Variants in TTC13 observed in about 807,000 individuals in gnomAD.
TTC13 encodes tetratricopeptide repeat protein 13.
In TTC13, 62 loss-of-function variants were observed where a neutral mutation model predicts 120.0. The observed-to-expected ratio is 0.52, with a 90% CI of 0.42 to 0.64. The LOEUF is 0.64. Ranked by LOEUF, TTC13 falls within the 30% of genes least tolerant of loss-of-function variation. TTC13 has a pLI of 0.00. For missense variants in TTC13, 824 were observed against 1,050.2 expected (o/e 0.78, Z 2.98); for synonymous variants, 384 against 393.5 (o/e 0.98, Z 0.28).
At chr1:230,964,312 G>A (rs1676925045) in intron 1 of TTC13, among the ~76,000 whole-genome samples, 1 of 152,102 alleles carries the variant, frequency 6.6e-6, no homozygotes, top group South Asian at 2.1e-4. Flanking sequence ...CCAAGTCAAA[G>A]GGTGTGCACA....
Position 230,913,501 on chromosome 1 carries a change from T to C in TTC13, c.2094-743A>G, listed in dbSNP as rs56013121. On this transcript the variant is annotated intron_variant, in intron 18 of 22. Coordinates refer to ENST00000366661, the MANE Select transcript of TTC13 (RefSeq NM_024525.5). ...CAGCCTCTTGAGTAGCTGGGACTAC[T>C]GGTATGCACCTGTAGTTATTTTTAA... Among the ~76,000 whole-genome samples, 994 of 152,200 alleles carry C rather than the reference T, an allele frequency of 6.5e-3. 7 individuals are homozygous for C. The highest frequency in any genetic ancestry group is 0.011 in the Non-Finnish European group (744 of 68,018).
Position 230,911,469 on chromosome 1 carries a change from C to T in TTC13, c.2309+1G>A. 6.3e-7 allele frequency: 1 copy of T among 1,577,232 alleles called. No individual in the cohort carries two copies. On this transcript the variant is annotated splice_donor_variant, in intron 20 of 22. Coordinates refer to ENST00000366661, the MANE Select transcript of TTC13 (RefSeq NM_024525.5). LOFTEE classifies it high-confidence loss of function. ...AATTTTAATGACAGGATATTACTTA[C>T]CTGGATCCTCGAGAGAGTGGCATTA...
intron 1 of TTC13, among the ~76,000 whole-genome samples, chr1:230,969,613 A>C (rs1347825274): frequency 6.6e-6 from 1 of 152,232 alleles, no homozygotes; most frequent in Non-Finnish European, 1.5e-5. Context: ...CTCTGACTTC[A>C]AACTTAATTA....
intron 17 of TTC13, among the ~76,000 whole-genome samples, chr1:230,916,899 T>C (rs971399250): frequency 1.3e-5 from 2 of 152,244 alleles, no homozygotes; most frequent in Non-Finnish European, 2.9e-5. Flanking sequence ...AGACGTTAGC[T>C]TTCTGTTTAA....
intron 14 of TTC13, among the ~76,000 whole-genome samples, chr1:230,924,224 C>A (rs1235863548): frequency 1.3e-5 from 2 of 152,238 alleles, no homozygotes; most frequent in African/African-American, 2.4e-5. Context: ...GGGACTGGTC[C>A]AGCGAAGTTC....
intron 1 of TTC13, among the ~76,000 whole-genome samples, chr1:230,976,685 T>A (rs536072407): frequency 7.6e-4 from 116 of 152,168 alleles, no homozygotes; most frequent in Non-Finnish European, 1.4e-3. Context: ...AAGTACTACA[T>A]GGGAGAGAGA....
chr1:230,929,270 T>G (rs1489422273), intron 11 of TTC13, among the ~76,000 whole-genome samples, 177 bp from the exon 12 acceptor site: 7 of 151,886 alleles, frequency 4.6e-5, no homozygotes, highest in African/African-American at 7.2e-5. Context: ...GCCACTGACT[T>G]GAGATAACAA....
chr1:230,949,224 A>G (rs36079838), intron 4 of TTC13, among the ~76,000 whole-genome samples: 26,376 of 150,396 alleles, frequency 0.18, 2,523 homozygotes, highest in East Asian at 0.41. Context: ...TTCTTCCCAA[A>G]GGGAAGCAAG....
intron 18 of TTC13, among the ~76,000 whole-genome samples, chr1:230,915,781 C>G (rs962425735): frequency 2.0e-5 from 2 of 99,246 alleles, no homozygotes; most frequent in African/African-American, 9.7e-5. Flanking sequence ...GCTGTTTTCT[C>G]TCTCTCTCTC....
chr1:230,955,619 C>A lies in TTC13; in HGVS notation c.443-1216G>T, dbSNP rs189649100. 1.3e-3 allele frequency among the ~76,000 whole-genome samples: 186 copies of A among 142,994 alleles called. 1 individual carries two copies. The highest frequency in any genetic ancestry group is 4.6e-3 in the African/African-American group (173 of 37,318). The allele number at this position is 142,994 out of a possible 152,430, so 93.8% of individuals were successfully genotyped here. A position where few individuals can be genotyped will look rare whatever the true frequency, so the allele number is the denominator to read the frequency against. On this transcript the variant is annotated intron_variant, in intron 3 of 22. Coordinates refer to ENST00000366661, the MANE Select transcript of TTC13 (RefSeq NM_024525.5). ...CCAGGAGGCGGAGCTTGCAGTGAGC[C>A]GAGATGGCGCCACTGCACTCCAGCC...
intron 15 of TTC13, among the ~76,000 whole-genome samples, chr1:230,922,429 C>G (rs1672663092): frequency 6.6e-6 from 1 of 152,194 alleles, no homozygotes; most frequent in Admixed American, 6.5e-5. Flanking sequence ...CATCTTCTCC[C>G]AATGTGCAAA....
At chr1:230,919,769 C>A (rs867529822) in intron 17 of TTC13, among the ~76,000 whole-genome samples, 1 of 152,196 alleles carries the variant, frequency 6.6e-6, no homozygotes, top group Admixed American at 6.5e-5. Flanking sequence ...CTTAACTAAA[C>A]GCCCAAGGTG....
intron 1 of TTC13, among the ~76,000 whole-genome samples, chr1:230,969,066 A>G (rs1339657104): frequency 6.6e-6 from 1 of 152,080 alleles, no homozygotes; most frequent in Non-Finnish European, 1.5e-5. Flanking sequence ...CGAGGTCAGG[A>G]GATCGAGACC....
chr1:230,947,081 T>G (rs1675071484), intron 4 of TTC13, among the ~76,000 whole-genome samples: 1 of 152,110 alleles, frequency 6.6e-6, no homozygotes, highest in South Asian at 2.1e-4. Flanking sequence ...AAAACAGACA[T>G]GCTCATTTAT....
Position 230,920,594 on chromosome 1 carries a change from T to C in TTC13, c.1899A>G (p.Gly633=), listed in dbSNP as rs772216010. The change falls in exon 17 of 23, where the codon GGA becomes GGG. Residue 633 remains glycine (G), a splice_region_variant and synonymous_variant. Coordinates refer to ENST00000366661, the MANE Select transcript of TTC13 (RefSeq NM_024525.5). ...FIKDRILVYH[G]ANNPKGLLEV... ...CCAGCAATCCTTTAGGATTATTAGC[T>C]CTTAAAGAGAGACAGAGAGAGATGG... 2.6e-6 allele frequency: 4 copies of C among 1,551,128 alleles called. No individual in the cohort carries two copies. In the East Asian group the frequency reaches 9.4e-5, roughly 36 times the overall value.
chr1:230,969,123 G>A (rs988820489), intron 1 of TTC13, among the ~76,000 whole-genome samples: 18 of 147,448 alleles, frequency 1.2e-4, no homozygotes, highest in African/African-American at 4.3e-4. Flanking sequence ...CTAGCCGGGT[G>A]CAGTGGCAGG....
intron 1 of TTC13, among the ~76,000 whole-genome samples, chr1:230,974,358 C>A (rs142483041): frequency 2.6e-5 from 4 of 152,244 alleles, no homozygotes; most frequent in Non-Finnish European, 4.4e-5. Flanking sequence ...TAGAGTCATG[C>A]GCCACATAAT....
At position 230,940,203 on chromosome 1, in the gene TTC13, T is replaced by C. The variant is rs775263300; in HGVS notation, c.789+237A>G. 3.3e-5 allele frequency among the ~76,000 whole-genome samples: 5 copies of C among 152,248 alleles called. No homozygotes were observed. Among genetic ancestry groups the C allele is most frequent in the African/African-American group, 1.2e-4 (5 of 41,464 alleles). ...TAAATTTATCTTTCTCTCTCTTTTT[T>C]TAAATGCCAGTCCAGAATTAGTTAT... On this transcript the variant is annotated intron_variant, in intron 7 of 22. Coordinates refer to ENST00000366661, the MANE Select transcript of TTC13 (RefSeq NM_024525.5). The surrounding 1 kb of genome is among the most constrained non-coding windows in gnomAD (Gnocchi z 4.1).
rs369413110 is a variant in TTC13 at position 230,916,156 on chromosome 1, G to A, written c.2093+37C>T. The A allele has an allele frequency of 6.4e-5, 95 of 1,473,854 alleles. No individual in the cohort carries two copies. The Middle Eastern group carries it at 6.9e-4, about 11-fold the overall frequency. 91.3% of individuals were successfully genotyped at this position (1,473,854 alleles called of 1,614,324 possible). ...TAAGCACAGGCACCCTTCCTGCCTC[G>A]TCTCTAGTTTACACCCACATTAAGA... is the stretch of plus-strand genomic sequence containing the variant. On this transcript the variant is annotated intron_variant, in intron 18 of 22. Coordinates refer to ENST00000366661, the MANE Select transcript of TTC13 (RefSeq NM_024525.5).
Sources: gnomAD v4.1 joint callset for allele counts (sites outside exome capture counted in the v4.1 genomes callset) on GRCh38, gnomAD v4.1.1 for gene constraint, Gnocchi (gnomAD v3.1) non-coding constraint, MANE v1.5 for transcripts, NCBI Gene and HGNC (gene_info 2026-07-23, HGNC 2026-07-21) for gene names.